The following CDH13 variants were observed in gnomAD, a reference collection of about 807,000 sequenced individuals.
CDH13 encodes the protein cadherin 13.
A neutral mutation model predicts 63.8 loss-of-function variants in CDH13; 24 were observed. The ratio of observed to expected loss-of-function variants is 0.38; its 90% CI spans 0.27 to 0.53. CDH13 has a LOEUF of 0.53. Ranked by LOEUF, CDH13 falls within the 20% of genes least tolerant of loss-of-function variation. The pLI is 0.85. For synonymous variants in CDH13, 503 were observed against 355.3 expected (o/e 1.42, Z -4.67); for missense variants, 1,049 against 903.1 (o/e 1.16, Z -2.07).
At chr16:82,997,337 A>G (rs1411562016) in intron 2 of CDH13, among the ~76,000 whole-genome samples, 1 of 152,208 alleles carries the variant, frequency 6.6e-6, no homozygotes, top group African/African-American at 2.4e-5. Flanking sequence ...ATACGTTTTC[A>G]CTAATTGTTG....
chr16:82,635,055 C>A (rs1597174342), intron 1 of CDH13, among the ~76,000 whole-genome samples: 1 of 152,264 alleles, frequency 6.6e-6, no homozygotes, highest in East Asian at 1.9e-4. Context: ...GGGAAGAAAG[C>A]CCAGCTGTGT....
chr16:83,782,975 G>T (rs144703756), intron 12 of CDH13, among the ~76,000 whole-genome samples: 1 of 152,036 alleles, frequency 6.6e-6, no homozygotes, highest in Non-Finnish European at 1.5e-5. Context: ...TAATCGCGCC[G>T]AGGCACAGAA....
chr16:83,028,632 C>T (rs539540678), intron 2 of CDH13, among the ~76,000 whole-genome samples: 2 of 152,262 alleles, frequency 1.3e-5, no homozygotes, highest in South Asian at 2.1e-4. Context: ...ACATACATAG[C>T]TATGTTAAAG....
intron 1 of CDH13, among the ~76,000 whole-genome samples, chr16:82,772,767 A>T (rs2035322459): frequency 6.6e-6 from 1 of 152,206 alleles, no homozygotes; most frequent in Non-Finnish European, 1.5e-5. Context: ...GAAGTAAAGT[A>T]ATATGTCTAA....
At chr16:83,761,513 A>G (rs1913966467) in intron 11 of CDH13, among the ~76,000 whole-genome samples, 2 of 152,208 alleles carry the variant, frequency 1.3e-5, no homozygotes, top group Admixed American at 1.3e-4. Flanking sequence ...AAAAAGGAAA[A>G]TGATGTACAG....
At chr16:83,444,727 G>A (rs200689650) in intron 6 of CDH13, among the ~76,000 whole-genome samples, 1 of 103,684 alleles carries the variant, frequency 9.6e-6, no homozygotes, top group South Asian at 3.2e-4. Context: ...TTGTGGGGCA[G>A]TGTGCTGAAA....
intron 2 of CDH13, among the ~76,000 whole-genome samples, chr16:82,889,300 A>ATCTCTCTCTC (rs59500269): frequency 3.3e-3 from 492 of 149,888 alleles, no homozygotes; most frequent in Middle Eastern, 6.9e-3. Context: ...TCTCTCTATT[A>ATCTCTCTCTC]TCTCTCTCTC....
intron 6 of CDH13, among the ~76,000 whole-genome samples, chr16:83,385,042 GCCCCTA>G (rs1203976779): frequency 3.9e-5 from 6 of 152,302 alleles, no homozygotes; most frequent in African/African-American, 1.2e-4. Flanking sequence ...AGCACAGGTG[GCCCCTA>G]CTGTCTCTAC....
At chr16:83,521,013 T>C (rs2074819844) in intron 7 of CDH13, among the ~76,000 whole-genome samples, 1 of 152,226 alleles carries the variant, frequency 6.6e-6, no homozygotes, top group Non-Finnish European at 1.5e-5. Context: ...ACCTTTGTAA[T>C]GTCTGCTATT....
At chr16:83,502,680 A>T (rs994406798) in intron 7 of CDH13, among the ~76,000 whole-genome samples, 22 of 152,198 alleles carry the variant, frequency 1.4e-4, no homozygotes, top group Admixed American at 1.2e-3. Flanking sequence ...CTTGAAAGAG[A>T]TGACAGGTGA....
chr16:83,704,222 C>T (rs2150912645), intron 10 of CDH13, among the ~76,000 whole-genome samples: 1 of 152,272 alleles, frequency 6.6e-6, no homozygotes, highest in South Asian at 2.1e-4. Flanking sequence ...AAGGTGTTTT[C>T]AATGTCTTCT....
At chr16:83,701,053 G>A (rs1348241938) in intron 10 of CDH13, among the ~76,000 whole-genome samples, 1 of 152,150 alleles carries the variant, frequency 6.6e-6, no homozygotes, top group Non-Finnish European at 1.5e-5. Context: ...GGGGATTCTA[G>A]GGACATTTTT....
chr16:83,418,105 A>G (rs1276679963), intron 6 of CDH13, among the ~76,000 whole-genome samples: 1 of 152,184 alleles, frequency 6.6e-6, no homozygotes, highest in African/African-American at 2.4e-5. Flanking sequence ...GAAAATATTC[A>G]GTGTTCAAAT....
At chr16:83,511,433 G>T (rs954321720) in intron 7 of CDH13, among the ~76,000 whole-genome samples, 1 of 151,542 alleles carries the variant, frequency 6.6e-6, no homozygotes, top group African/African-American at 2.4e-5. Flanking sequence ...CTGCACAGCA[G>T]CCTGGGGGAC....
At chr16:83,120,041 G>C (rs1299338030) in intron 3 of CDH13, among the ~76,000 whole-genome samples, 1 of 56,776 alleles carries the variant, frequency 1.8e-5, no homozygotes, top group Non-Finnish European at 4.5e-5. Context: ...CCTGACTTCA[G>C]TCGTTCCTTA....
At chr16:82,710,352 T>C (rs1387592154) in intron 1 of CDH13, among the ~76,000 whole-genome samples, 1 of 145,402 alleles carries the variant, frequency 6.9e-6, no homozygotes, top group African/African-American at 2.5e-5. Context: ...GTTAACATGG[T>C]GAAACCCCAT....
chr16:83,755,875 A>G (rs1351521668), intron 11 of CDH13, among the ~76,000 whole-genome samples: 1 of 152,220 alleles, frequency 6.6e-6, no homozygotes, highest in Non-Finnish European at 1.5e-5. Context: ...ATAAAAATAG[A>G]AAGTTAAATA....
At chr16:82,808,010 G>A (rs372947127) in intron 1 of CDH13, among the ~76,000 whole-genome samples, 6 of 152,170 alleles carry the variant, frequency 3.9e-5, no homozygotes, top group African/African-American at 9.6e-5. Context: ...TTTCTCCAGC[G>A]CAGTTCTTAC....
chr16:83,012,241 C>T (rs773300703), intron 2 of CDH13, among the ~76,000 whole-genome samples: 13 of 150,746 alleles, frequency 8.6e-5, no homozygotes, highest in South Asian at 2.1e-4. Flanking sequence ...CAGTGACTAT[C>T]TCTTTTCAAT....
Sources: gnomAD v4.1 joint callset for allele counts (sites outside exome capture counted in the v4.1 genomes callset) on GRCh38, gnomAD v4.1.1 for gene constraint, MANE v1.5 for transcripts, NCBI Gene and HGNC (gene_info 2026-07-23, HGNC 2026-07-21) for gene names.